The following LIN52 variants were observed in gnomAD, a reference collection of about 807,000 sequenced individuals.
LIN52 encodes lin-52 DREAM MuvB core complex component.
LIN52 carries 4 observed loss-of-function variants against 18.5 expected under a neutral mutation model. That is an observed-to-expected ratio of 0.22 (90% CI 0.11 to 0.49). The LOEUF (loss-of-function observed/expected upper bound fraction) is 0.49. Ranked by LOEUF, LIN52 falls within the 20% of genes least tolerant of loss-of-function variation. LIN52 has a pLI of 0.97. For missense variants in LIN52, 102 were observed against 139.5 expected, an observed-to-expected ratio of 0.73 and a Z score of 1.35; for synonymous variants, 34 against 45.5, an observed-to-expected ratio of 0.75 and a Z score of 1.02.
At chr14:74,125,175 C>T (rs1365773776) in intron 5 of LIN52, among the ~76,000 whole-genome samples, 1 of 152,130 alleles carries the variant, frequency 6.6e-6, no homozygotes, top group Non-Finnish European at 1.5e-5. Context: ...TTCTAGATCC[C>T]TGAGGAATCA....
At chr14:74,101,947 A>AT (rs564729302) in intron 5 of LIN52, among the ~76,000 whole-genome samples, 1 of 151,872 alleles carries the variant, frequency 6.6e-6, no homozygotes, top group Non-Finnish European at 1.5e-5. Flanking sequence ...TAATTAAAAA[A>AT]TTTTTTTTGT....
chr14:74,199,291 G>C lies in LIN52; in HGVS notation c.*314G>C, dbSNP rs2078932993. ...GTCCTGCTTTCTCATTTCTGGAAGT[G>C]ATTCAGGAGCCCCAGGATCTTACGG... On this transcript the variant is annotated 3_prime_UTR_variant, in exon 6 of 6. Transcript: ENST00000555028. 4.3e-6 allele frequency: 1 copy of C among 234,556 alleles called. No individual in the cohort carries two copies. The highest frequency in any genetic ancestry group is 8.2e-6 in the Non-Finnish European group (1 of 121,246). The allele number at this position is 234,556 out of a possible 1,614,324, so 14.5% of individuals were successfully genotyped here.
At chr14:74,163,968 T>C (rs1240705818) in intron 5 of LIN52, among the ~76,000 whole-genome samples, 1 of 149,680 alleles carries the variant, frequency 6.7e-6, no homozygotes. Context: ...CAGTGGAAGA[T>C]GGGGTCTGTA....
chr14:74,095,567 T>C (rs2139860409), intron 2 of LIN52, among the ~76,000 whole-genome samples: 1 of 152,314 alleles, frequency 6.6e-6, no homozygotes, highest in Non-Finnish European at 1.5e-5. Context: ...TGTGATTCTT[T>C]CTGTGAGAAA....
At chr14:74,105,043 C>T (rs74596477) in intron 5 of LIN52, among the ~76,000 whole-genome samples, 183 of 152,284 alleles carry the variant, frequency 1.2e-3, no homozygotes, top group Non-Finnish European at 2.4e-3. Context: ...TCGAAAACTG[C>T]TTCTACTGGC....
chr14:74,118,276 A>G (rs1478758528), intron 5 of LIN52, among the ~76,000 whole-genome samples: 1 of 152,144 alleles, frequency 6.6e-6, no homozygotes, highest in Non-Finnish European at 1.5e-5. Flanking sequence ...ATAAGTAAAT[A>G]AAAAGAGGAA....
rs183683853 is a variant in LIN52, at chr14:74,099,199, A to T, written c.199+1339A>T. Among the ~76,000 whole-genome samples, 435 of 152,304 alleles carry T rather than the reference A, an allele frequency of 2.9e-3. 3 individuals are homozygous for T. Among genetic ancestry groups the T allele is most frequent in the South Asian group, 5.8e-3 (28 of 4,826 alleles). On this transcript the variant is annotated intron_variant, in intron 4 of 5. Transcript: ENST00000555028. The stretch of plus-strand genomic sequence containing the variant: ...TTAAGGTAAAAACCTGGGATTCTTG[A>T]GGTATTTAAACAGCTGAACATATCA...
intron 5 of LIN52, among the ~76,000 whole-genome samples, chr14:74,158,113 A>ATC (rs1342200066): frequency 1.8e-5 from 1 of 55,152 alleles, no homozygotes; most frequent in Non-Finnish European, 4.1e-5. Context: ...TGCTATATAT[A>ATC]TATATATATA....
chr14:74,178,119 G>A (rs72627165), intron 5 of LIN52, among the ~76,000 whole-genome samples: 20,960 of 152,086 alleles, frequency 0.14, 2,037 homozygotes, highest in East Asian at 0.58. Flanking sequence ...TTTTTGTTTC[G>A]TTTTTGCTTA....
At chr14:74,196,331 A>C (rs1414135938) in intron 5 of LIN52, among the ~76,000 whole-genome samples, 1 of 152,190 alleles carries the variant, frequency 6.6e-6, no homozygotes, top group African/African-American at 2.4e-5. Flanking sequence ...AAGTCTTAAA[A>C]TATTGGTCAT....
chr14:74,173,460 T>G (rs1415494587), intron 5 of LIN52, among the ~76,000 whole-genome samples: 1 of 152,180 alleles, frequency 6.6e-6, no homozygotes, highest in Non-Finnish European at 1.5e-5. Flanking sequence ...GTCCTGGGAG[T>G]ACAGGCATGA....
At chr14:74,127,947 T>C (rs1367527068) in intron 5 of LIN52, among the ~76,000 whole-genome samples, 1 of 152,126 alleles carries the variant, frequency 6.6e-6, no homozygotes, top group Non-Finnish European at 1.5e-5. Flanking sequence ...GACTCCTAGA[T>C]TTCTCTTGAG....
At chr14:74,194,910 C>T (rs546623232) in intron 5 of LIN52, among the ~76,000 whole-genome samples, 4 of 152,270 alleles carry the variant, frequency 2.6e-5, no homozygotes, top group African/African-American at 9.6e-5. Flanking sequence ...TTTGGGAGGC[C>T]AAGGCGGGCA....
chr14:74,138,061 C>G (rs999913414), intron 5 of LIN52, among the ~76,000 whole-genome samples: 2 of 152,188 alleles, frequency 1.3e-5, no homozygotes, highest in Non-Finnish European at 2.9e-5. Flanking sequence ...TGACCTTATT[C>G]CCTTCTTCTT....
intron 5 of LIN52, among the ~76,000 whole-genome samples, chr14:74,163,939 C>CA (rs2061237176): frequency 6.6e-6 from 1 of 152,002 alleles, no homozygotes; most frequent in Non-Finnish European, 1.5e-5. Context: ...AATGGTTACT[C>CA]AACCGGTGGA....
At chr14:74,180,147 G>A (rs1024784959) in intron 5 of LIN52, among the ~76,000 whole-genome samples, 2 of 152,164 alleles carry the variant, frequency 1.3e-5, no homozygotes, top group African/African-American at 4.8e-5. Flanking sequence ...GCCCTCTCTT[G>A]AAGATCTTGT....
intron 5 of LIN52, among the ~76,000 whole-genome samples, chr14:74,174,133 AT>A (rs2061282364): frequency 6.6e-6 from 1 of 152,176 alleles, no homozygotes; most frequent in South Asian, 2.1e-4. Context: ...TTATTGAGAT[AT>A]TTTCCACATA....
At chr14:74,141,985 A>T (rs985993097) in intron 5 of LIN52, among the ~76,000 whole-genome samples, 1 of 152,212 alleles carries the variant, frequency 6.6e-6, no homozygotes, top group Non-Finnish European at 1.5e-5. Flanking sequence ...TTTGTGCCTC[A>T]TGAACTTTAA....
At chr14:74,170,723 A>T (rs2061266399) in intron 5 of LIN52, among the ~76,000 whole-genome samples, 1 of 152,130 alleles carries the variant, frequency 6.6e-6, no homozygotes, top group Non-Finnish European at 1.5e-5. Context: ...AACTATAAAG[A>T]TAGATATAAA....
Sources: gnomAD v4.1 joint callset for allele counts (sites outside exome capture counted in the v4.1 genomes callset) on GRCh38, gnomAD v4.1.1 for gene constraint, MANE v1.5 for transcripts, NCBI Gene and HGNC (gene_info 2026-07-23, HGNC 2026-07-21) for gene names.